ATG10: variants seen among roughly 807,000 people sequenced by gnomAD.
The protein encoded by ATG10 is ubiquitin-like-conjugating enzyme ATG10.
Under a neutral mutation model 32.1 loss-of-function variants are expected in ATG10, and 30 were observed. The observed-to-expected ratio is 0.94, with a 90% CI of 0.70 to 1.27. The LOEUF (loss-of-function observed/expected upper bound fraction) is 1.27, where lower values mean the gene tolerates loss of function less well. Among genes scored for constraint, ATG10 ranks in the 50% most tolerant of loss-of-function variants. The probability of loss-of-function intolerance (pLI) is 0.00; values close to 1 mark genes in which losing one functional copy is unlikely to be tolerated. For missense variants in ATG10, 233 were observed against 262.3 expected (o/e 0.89, Z 0.77); for synonymous variants, 87 against 91.5 (o/e 0.95, Z 0.28).
intron 5 of ATG10, among the ~76,000 whole-genome samples, chr5:82,224,379 A>G (rs1294009855): frequency 6.6e-6 from 1 of 152,214 alleles, no homozygotes; most frequent in Non-Finnish European, 1.5e-5. Context: ...GCCTGTATAC[A>G]TTATGCATTA....
intron 5 of ATG10, among the ~76,000 whole-genome samples, chr5:82,191,603 A>G (rs973655174): frequency 1.3e-5 from 2 of 152,226 alleles, no homozygotes; most frequent in African/African-American, 4.8e-5. Flanking sequence ...CATCTAAGTA[A>G]GAGAACTGGA....
chr5:82,216,520 C>T (rs1283558249), intron 5 of ATG10, among the ~76,000 whole-genome samples: 1 of 152,002 alleles, frequency 6.6e-6, no homozygotes, highest in Non-Finnish European at 1.5e-5. Flanking sequence ...TTTTAAAATA[C>T]CAGAATCAAG....
At chr5:82,146,193 A>G (rs1767352307) in intron 3 of ATG10, among the ~76,000 whole-genome samples, 1 of 152,042 alleles carries the variant, frequency 6.6e-6, no homozygotes, top group Non-Finnish European at 1.5e-5. Context: ...TTTCACTTAG[A>G]TTCTTGAAGA....
rs534681014 is a variant in ATG10 at position 82,133,765 on chromosome 5, T to G, written c.217-30634T>G. On this transcript the variant is annotated intron_variant, in intron 3 of 7. Coordinates refer to ENST00000282185, the MANE Select transcript of ATG10 (RefSeq NM_031482.5). ...GTTTTTTCTAAGTCTGTGAAGAAAG[T>G]CACTGGTAGCTTGATGGGAATAGCA... Among the ~76,000 whole-genome samples, 175 of 152,232 alleles carry G rather than the reference T, an allele frequency of 1.1e-3. 2 individuals carry two copies. Among genetic ancestry groups the G allele is most frequent in the Admixed American group, 2.3e-3 (35 of 15,292 alleles).
intron 5 of ATG10, among the ~76,000 whole-genome samples, chr5:82,231,598 A>G (rs917993272): frequency 1.2e-4 from 18 of 152,202 alleles, no homozygotes; most frequent in Non-Finnish European, 5.9e-5. Flanking sequence ...GCCTCATAGT[A>G]GCCAGGTTTT....
At chr5:82,021,273 T>G (rs1471732930) in intron 2 of ATG10, among the ~76,000 whole-genome samples, 1 of 152,222 alleles carries the variant, frequency 6.6e-6, no homozygotes, top group East Asian at 1.9e-4. Context: ...CTGGATAGGC[T>G]GACCAGGGTA....
chr5:82,205,905 G>A lies in ATG10; in HGVS notation c.453+27318G>A, dbSNP rs142087182. Reference sequence around the variant, plus strand: ...GTAGGCAAGGAAGTTGATACTATTGGTAAGAAAGTGGTTGGTGTGACAAAG... The same window carrying A: ...GTAGGCAAGGAAGTTGATACTATTGATAAGAAAGTGGTTGGTGTGACAAAG... On this transcript the variant is annotated intron_variant, in intron 5 of 7. Transcript: ENST00000282185. Among the ~76,000 whole-genome samples, 262 of 152,280 alleles carry A rather than the reference G, an allele frequency of 1.7e-3. 3 individuals carry two copies. The highest frequency in any genetic ancestry group is 5.9e-3 in the African/African-American group (245 of 41,568).
rs909677453 is a variant in ATG10, at chr5:82,253,400, C to T, written c.638C>T (p.Ser213Phe). ...NLPLSYAKAT[S>F]QDERNVP ...CCTCTGAGTTATGCCAAAGCAACGT[C>T]TCAGGATGAACGAAATGTCCCTTAA... The change falls in exon 7 of 8, where the codon TCT (serine) becomes TTT (phenylalanine). Residue 213 changes from serine (S) to phenylalanine (F), a missense_variant. By Grantham distance (155) the Ser-to-Phe change is radical (BLOSUM62 -2). Transcript: ENST00000282185. The T allele has an allele frequency of 2.5e-6, 4 of 1,603,214 alleles. No homozygotes were observed. The highest frequency in any genetic ancestry group is 1.1e-5 in the South Asian group (1 of 90,820).
At chr5:82,188,745 G>T (rs1015873655) in intron 5 of ATG10, among the ~76,000 whole-genome samples, 1 of 152,126 alleles carries the variant, frequency 6.6e-6, no homozygotes, top group South Asian at 2.1e-4. Flanking sequence ...ACACTTACCC[G>T]TGTATGTTTT....
chr5:82,159,208 C>T (rs1767927105), intron 3 of ATG10, among the ~76,000 whole-genome samples: 1 of 152,168 alleles, frequency 6.6e-6, no homozygotes, highest in African/African-American at 2.4e-5. Flanking sequence ...AGCATGGATA[C>T]TCTGGACAAA....
intron 3 of ATG10, among the ~76,000 whole-genome samples, chr5:82,156,306 A>G (rs1767796670): frequency 6.6e-6 from 1 of 152,210 alleles, no homozygotes; most frequent in Non-Finnish European, 1.5e-5. Context: ...CTCCATGTGT[A>G]TGTGAGGCAA....
intron 2 of ATG10, among the ~76,000 whole-genome samples, chr5:82,031,366 C>G (rs1448017184): frequency 6.6e-6 from 1 of 152,082 alleles, no homozygotes; most frequent in East Asian, 1.9e-4. Flanking sequence ...GCTAGTGTAT[C>G]CAGAGCAACA....
chr5:82,131,376 T>A (rs2149841993), intron 3 of ATG10, among the ~76,000 whole-genome samples: 1 of 152,286 alleles, frequency 6.6e-6, no homozygotes, highest in Non-Finnish European at 1.5e-5. Flanking sequence ...AAGATAGGGG[T>A]TCATTTTCCA....
At chr5:82,182,838 G>A (rs1194924253) in intron 5 of ATG10, among the ~76,000 whole-genome samples, 2 of 152,102 alleles carry the variant, frequency 1.3e-5, no homozygotes, top group Non-Finnish European at 2.9e-5. Flanking sequence ...TTGTACTATA[G>A]TCTTGCAAGA....
chr5:82,049,151 A>G (rs1455735095), intron 2 of ATG10, among the ~76,000 whole-genome samples: 1 of 151,646 alleles, frequency 6.6e-6, no homozygotes, highest in East Asian at 1.9e-4. Context: ...ACCAACCCAA[A>G]TGTCCAACAA....
At chr5:82,024,394 G>C (rs1762537500) in intron 2 of ATG10, among the ~76,000 whole-genome samples, 1 of 152,164 alleles carries the variant, frequency 6.6e-6, no homozygotes, top group South Asian at 2.1e-4. Context: ...GTACAGAAAT[G>C]GAAAATTAGT....
intron 4 of ATG10, among the ~76,000 whole-genome samples, chr5:82,174,888 A>G (rs1743949895): frequency 6.6e-6 from 1 of 152,194 alleles, no homozygotes; most frequent in Non-Finnish European, 1.5e-5. Context: ...GATAGCCGTT[A>G]TGGGCCTAGA....
rs575105035 is a variant in ATG10, at chr5:82,217,246, A to G, written c.454-35316A>G. On this transcript the variant is annotated intron_variant, in intron 5 of 7. Transcript: ENST00000282185. Reference sequence around the variant, plus strand: ...TCTTACTAGCTGTTTGGCCTTGGGTAAGTTACCTAACTCCCTTGGAAATTC... The same window carrying G: ...TCTTACTAGCTGTTTGGCCTTGGGTGAGTTACCTAACTCCCTTGGAAATTC... 1.1e-3 allele frequency among the ~76,000 whole-genome samples: 175 copies of G among 152,276 alleles called. 2 individuals are homozygous for G. The highest frequency in any genetic ancestry group is 2.3e-3 in the Admixed American group (35 of 15,298).
chr5:82,105,052 C>T (rs551613556), intron 3 of ATG10, among the ~76,000 whole-genome samples: 2 of 152,080 alleles, frequency 1.3e-5, no homozygotes, highest in Non-Finnish European at 2.9e-5. Context: ...TGTTACCACA[C>T]ACTTGCACAT....
Sources: allele counts gnomAD v4.1 joint callset (sites outside exome capture counted in the v4.1 genomes callset), GRCh38; gene constraint gnomAD v4.1.1; transcripts MANE v1.5; gene names NCBI Gene and HGNC (gene_info 2026-07-23, HGNC 2026-07-21).